Variants in RASSF5 observed in about 807,000 individuals in gnomAD.
RASSF5 encodes ras association domain-containing protein 5.
In RASSF5, 25 loss-of-function variants were observed where a neutral mutation model predicts 40.5. The ratio of observed to expected loss-of-function variants is 0.62; its 90% CI spans 0.45 to 0.86. The LOEUF is 0.86. Among genes scored for constraint, RASSF5 ranks in the 40% least tolerant of loss-of-function variants. The pLI is 0.00. For synonymous variants in RASSF5, 246 were observed against 252.4 expected (o/e 0.97, Z 0.24); for missense variants, 521 against 572.8 (o/e 0.91, Z 0.92).
intron 1 of RASSF5, among the ~76,000 whole-genome samples, chr1:206,508,697 C>G (rs76267757): frequency 0.028 from 4,218 of 152,136 alleles, 202 homozygotes; most frequent in African/African-American, 0.097. Context: ...CCTTTGGACT[C>G]TGCTCCAATG....
intron 2 of RASSF5, among the ~76,000 whole-genome samples, chr1:206,561,163 GTCAGAGCACC>G (rs1668127933): frequency 6.6e-6 from 1 of 152,226 alleles, no homozygotes; most frequent in South Asian, 2.1e-4. Context: ...CTTGCAGAAT[GTCAGAGCACC>G]TCGCTTTATA....
At chr1:206,558,721 G>A (rs1668063408) in intron 2 of RASSF5, among the ~76,000 whole-genome samples, 1 of 152,190 alleles carries the variant, frequency 6.6e-6, no homozygotes, top group South Asian at 2.1e-4. Context: ...GTGAGAAGAG[G>A]CCCAAGAACC....
In RASSF5 at chr1:206,587,065, A is replaced by G. The variant is rs181223559; in HGVS notation, c.*87A>G. 1.9e-5 allele frequency: 28 copies of G among 1,503,604 alleles called. No individual in the cohort carries two copies. The African/African-American group carries it at 3.6e-4, about 19-fold the overall frequency. The allele number at this position is 1,503,604 out of a possible 1,614,324, so 93.1% of individuals were successfully genotyped here. On this transcript the variant is annotated 3_prime_UTR_variant, in exon 6 of 6. Transcript: ENST00000579436. ...TGCAACAGACACTTTTTCTCAGGAC[A>G]TCTCTGGCAGGTGCATTTGTGCCTG...
intron 1 of RASSF5, among the ~76,000 whole-genome samples, chr1:206,516,060 A>T (rs1666737711): frequency 6.6e-6 from 1 of 152,178 alleles, no homozygotes; most frequent in African/African-American, 2.4e-5. Flanking sequence ...AAATAGGGTG[A>T]TAATATATTG....
chr1:206,586,696 A>G (rs1669128836), intron 5 of RASSF5, 130 bp from the exon 6 acceptor site: 1 of 739,302 alleles, frequency 1.4e-6, no homozygotes, highest in South Asian at 1.7e-5. Flanking sequence ...CAGTCTGTTC[A>G]GTAGCAAACT....
intron 2 of RASSF5, among the ~76,000 whole-genome samples, chr1:206,555,676 C>G (rs1228402554): frequency 6.6e-6 from 1 of 152,228 alleles, no homozygotes; most frequent in Admixed American, 6.5e-5. Flanking sequence ...CCAGAGAAGA[C>G]AGCTACTGGT....
In RASSF5 at chr1:206,531,122, A is replaced by C. The variant is rs1003308687; in HGVS notation, c.458-7050A>C. 7.2e-5 allele frequency among the ~76,000 whole-genome samples: 11 copies of C among 152,230 alleles called. No homozygotes were observed. The highest frequency in any genetic ancestry group is 4.6e-4 in the Admixed American group (7 of 15,284). ...TCTCCATTTAACAGATGAGGAAACC[A>C]AGGCCACTAGAGGTTAGGACACCGG... On this transcript the variant is annotated intron_variant, in intron 1 of 5. Transcript: ENST00000579436. The surrounding 1 kb of genome is among the most constrained non-coding windows in gnomAD (Gnocchi z 4.7).
At chr1:206,538,362 C>T in intron 2 of RASSF5, 69 bp downstream of exon 2, 1 of 1,595,754 alleles carries the variant, frequency 6.3e-7, no homozygotes, top group African/African-American at 1.3e-5. Flanking sequence ...CACTTTCTCT[C>T]CCAGGAGCTC....
chr1:206,574,023 G>A (rs1316234134), intron 2 of RASSF5, among the ~76,000 whole-genome samples: 1 of 152,226 alleles, frequency 6.6e-6, no homozygotes, highest in Admixed American at 6.5e-5. Context: ...TCAGGACCTT[G>A]AACCCTTCAG....
chr1:206,555,138 T>C (rs1276945239), intron 2 of RASSF5, among the ~76,000 whole-genome samples: 1 of 152,126 alleles, frequency 6.6e-6, no homozygotes, highest in Non-Finnish European at 1.5e-5. Context: ...TTTCATAAGG[T>C]TTGGAATGGC....
At chr1:206,511,205 A>G (rs931934590) in intron 1 of RASSF5, among the ~76,000 whole-genome samples, 2 of 152,188 alleles carry the variant, frequency 1.3e-5, no homozygotes, top group African/African-American at 4.8e-5. Flanking sequence ...AGAGAACGAA[A>G]GGTCCTGTGA....
intron 2 of RASSF5, among the ~76,000 whole-genome samples, chr1:206,574,710 T>C (rs1011313044): frequency 6.6e-6 from 1 of 152,154 alleles, no homozygotes; most frequent in African/African-American, 2.4e-5. Context: ...CCTGTGGAAA[T>C]CAACCCCTTC....
At chr1:206,558,147 A>G (rs1572339257) in intron 2 of RASSF5, among the ~76,000 whole-genome samples, 4 of 152,260 alleles carry the variant, frequency 2.6e-5, no homozygotes, top group South Asian at 2.1e-4. Context: ...TGAAGTGGCC[A>G]GAAACCACCT....
Position 206,507,662 on chromosome 1 carries a change from G to A in RASSF5, c.60G>A (p.Glu20=), listed in dbSNP as rs1197771370. ...CGTACCCGCTACTATTGGACCCCGAGCCGCCGCGCTATCTACAGAGCCTGA... is the reference window on the plus strand; with the variant it reads ...CGTACCCGCTACTATTGGACCCCGAACCGCCGCGCTATCTACAGAGCCTGA... ...QRPYPLLLDP[E]PPRYLQSLSG... The change falls in exon 1 of 6, where the codon GAG becomes GAA. Residue 20 remains glutamate (E), a synonymous_variant. Transcript: ENST00000579436. 5 of 1,526,904 alleles carry A rather than the reference G, an allele frequency of 3.3e-6. No homozygotes were observed. The highest frequency in any genetic ancestry group is 4.4e-6 in the Non-Finnish European group (5 of 1,143,468). 94.6% of individuals were successfully genotyped at this position (1,526,904 alleles called of 1,614,324 possible). A position where few individuals can be genotyped will look rare whatever the true frequency, so the allele number is the denominator to read the frequency against.
At chr1:206,541,619 T>C (rs1667546755) in intron 2 of RASSF5, 1 of 152,178 alleles carries the variant, frequency 6.6e-6, no homozygotes, top group Non-Finnish European at 1.5e-5. Flanking sequence ...TGGGCACCCA[T>C]GCGTGACCAA....
chr1:206,578,363 G>A (rs185362884), intron 2 of RASSF5, among the ~76,000 whole-genome samples: 2 of 152,174 alleles, frequency 1.3e-5, no homozygotes, highest in East Asian at 3.9e-4. Flanking sequence ...TGTAAAATGA[G>A]CATCATAATA....
chr1:206,581,771 C>T (rs1668890403), intron 2 of RASSF5, among the ~76,000 whole-genome samples: 1 of 152,022 alleles, frequency 6.6e-6, no homozygotes, highest in South Asian at 2.1e-4. Flanking sequence ...GACATTGCAT[C>T]GGTTCTGTGG....
At position 206,552,816 on chromosome 1, in the gene RASSF5, G is replaced by A. The variant is rs73080903; in HGVS notation, c.579+14523G>A. 0.015 allele frequency among the ~76,000 whole-genome samples: 2,223 copies of A among 152,236 alleles called. 48 individuals carry two copies. Among genetic ancestry groups the A allele is most frequent in the African/African-American group, 0.048 (1,975 of 41,526 alleles). On this transcript the variant is annotated intron_variant, in intron 2 of 5. Transcript: ENST00000579436. The surrounding 1 kb of genome is among the most constrained non-coding windows in gnomAD (Gnocchi z 4.1). The stretch of plus-strand genomic sequence containing the variant: ...ACTTTAGTAGACCGTCTTATTCAAT[G>A]TTGTTCTCACTAGACTGTATATTAT...
At chr1:206,562,474 G>C (rs1227670944) in intron 2 of RASSF5, among the ~76,000 whole-genome samples, 7 of 152,308 alleles carry the variant, frequency 4.6e-5, no homozygotes, top group African/African-American at 1.7e-4. Flanking sequence ...AGAGATTTCA[G>C]ACTGGCACAG....
Sources: allele counts gnomAD v4.1 joint callset (sites outside exome capture counted in the v4.1 genomes callset), GRCh38; gene constraint gnomAD v4.1.1; non-coding constraint Gnocchi (gnomAD v3.1); transcripts MANE v1.5; gene names NCBI Gene and HGNC (gene_info 2026-07-23, HGNC 2026-07-21).